The following NOS1AP variants were observed in gnomAD, a reference collection of about 807,000 sequenced individuals.
The protein encoded by NOS1AP is nitric oxide synthase 1 adaptor protein.
NOS1AP carries 21 observed loss-of-function variants against 56.2 expected under a neutral mutation model. The ratio of observed to expected loss-of-function variants is 0.37; its 90% CI spans 0.26 to 0.54. The LOEUF (loss-of-function observed/expected upper bound fraction) is 0.54, where lower values mean the gene tolerates loss of function less well. Ranked by LOEUF, NOS1AP falls within the 20% of genes least tolerant of loss-of-function variation. The pLI is 0.84. For synonymous variants in NOS1AP, 270 were observed against 274.6 expected (o/e 0.98, Z 0.17); for missense variants, 522 against 657.8 (o/e 0.79, Z 2.26).
In NOS1AP at chr1:162,116,257, C is replaced by T. The variant is rs553976126; in HGVS notation, c.106-38148C>T. Among the ~76,000 whole-genome samples, 164 of 152,218 alleles carry T rather than the reference C, an allele frequency of 1.1e-3. 1 individual carries two copies. Among genetic ancestry groups the T allele is most frequent in the South Asian group, 2.3e-3 (11 of 4,826 alleles). ...TGGACTCCTGAGACTGCTTTGCATC[C>T]GTCACATTTCAGGTTGATGCCCTGT... On this transcript the variant is annotated intron_variant, in intron 1 of 9. Transcript: ENST00000361897.
At chr1:162,084,057 CTT>C (rs1330491456) in intron 1 of NOS1AP, among the ~76,000 whole-genome samples, 8 of 152,166 alleles carry the variant, frequency 5.3e-5, no homozygotes, top group Non-Finnish European at 1.0e-4. Flanking sequence ...TTTGCTGAGA[CTT>C]TTGACTTTTT....
At chr1:162,332,016 G>A (rs923219960) in intron 4 of NOS1AP, among the ~76,000 whole-genome samples, 6 of 152,196 alleles carry the variant, frequency 3.9e-5, no homozygotes, top group African/African-American at 7.2e-5. Flanking sequence ...CTCATCTCAC[G>A]TAGAATATAA....
chr1:162,102,629 T>A (rs892536483), intron 1 of NOS1AP, among the ~76,000 whole-genome samples: 1 of 152,194 alleles, frequency 6.6e-6, no homozygotes, highest in African/African-American at 2.4e-5. Flanking sequence ...TTTTAGTCTA[T>A]TCAGGGATTC....
intron 2 of NOS1AP, among the ~76,000 whole-genome samples, chr1:162,280,154 A>G (rs2101729231): frequency 6.6e-6 from 1 of 152,326 alleles, no homozygotes; most frequent in South Asian, 2.1e-4. Context: ...TTTCTATTTA[A>G]ATAAATAATA....
intron 4 of NOS1AP, among the ~76,000 whole-genome samples, chr1:162,328,600 T>C (rs1656666040): frequency 6.6e-6 from 1 of 152,174 alleles, no homozygotes; most frequent in African/African-American, 2.4e-5. Flanking sequence ...AGCACAATGA[T>C]CATACCTGTT....
intron 2 of NOS1AP, among the ~76,000 whole-genome samples, chr1:162,155,452 TATATAG>T (rs1309349905): frequency 2.0e-5 from 3 of 147,480 alleles, no homozygotes; most frequent in East Asian, 4.0e-4. Context: ...TATATATATA[TATATAG>T]AGAGAGAGAG....
At chr1:162,100,691 G>C (rs1180636597) in intron 1 of NOS1AP, among the ~76,000 whole-genome samples, 1 of 147,504 alleles carries the variant, frequency 6.8e-6, no homozygotes, top group Non-Finnish European at 1.5e-5. Context: ...TGGTGTTTTA[G>C]ACATGAAGTC....
chr1:162,155,704 C>G (rs534072510), intron 2 of NOS1AP, among the ~76,000 whole-genome samples: 21 of 152,256 alleles, frequency 1.4e-4, no homozygotes, highest in African/African-American at 4.8e-4. Context: ...GAATCAAATT[C>G]TCTTCTGATA....
chr1:162,180,968 A>G (rs1651237697), intron 2 of NOS1AP, among the ~76,000 whole-genome samples: 1 of 152,238 alleles, frequency 6.6e-6, no homozygotes. Flanking sequence ...CCTTAACAGC[A>G]GCATCTATTC....
intron 2 of NOS1AP, among the ~76,000 whole-genome samples, chr1:162,280,980 T>G (rs1032894059): frequency 2.0e-5 from 3 of 152,198 alleles, no homozygotes; most frequent in African/African-American, 7.2e-5. Flanking sequence ...CCCCCAAGAT[T>G]CTGGTTCCAT....
intron 1 of NOS1AP, among the ~76,000 whole-genome samples, chr1:162,077,688 A>T (rs1253130423): frequency 6.7e-6 from 1 of 148,678 alleles, no homozygotes. Flanking sequence ...TATGCCCTTC[A>T]CTCCCCACCC....
At chr1:162,361,515 C>A (rs1442310561) in intron 8 of NOS1AP, among the ~76,000 whole-genome samples, 1 of 152,226 alleles carries the variant, frequency 6.6e-6, no homozygotes, top group East Asian at 1.9e-4. Flanking sequence ...TCCTGCAGCA[C>A]AGCCTGCCAC....
At chr1:162,183,665 A>G (rs764710649) in intron 2 of NOS1AP, among the ~76,000 whole-genome samples, 6 of 152,198 alleles carry the variant, frequency 3.9e-5, no homozygotes, top group Non-Finnish European at 8.8e-5. Context: ...TGTTACAGAG[A>G]CAGCTTCTTT....
rs953189772 is a variant in NOS1AP, at chr1:162,129,783, C to T, written c.106-24622C>T. 2.6e-5 allele frequency among the ~76,000 whole-genome samples: 4 copies of T among 152,204 alleles called. No individual in the cohort carries two copies. In the East Asian group the frequency reaches 7.7e-4, roughly 29 times the overall value. ...TGACCCATCGCCAGCCCCTCGAGGA[C>T]ATGCCGTCTCCCTCTTTTTGGCCTA... On this transcript the variant is annotated intron_variant, in intron 1 of 9. Transcript: ENST00000361897.
intron 2 of NOS1AP, among the ~76,000 whole-genome samples, chr1:162,285,307 G>A (rs1655055320): frequency 6.6e-6 from 1 of 152,192 alleles, no homozygotes; most frequent in African/African-American, 2.4e-5. Flanking sequence ...GTGACTGGAG[G>A]TAAATGCAGG....
intron 1 of NOS1AP, among the ~76,000 whole-genome samples, chr1:162,106,218 T>C (rs528995531): frequency 4.6e-5 from 7 of 152,138 alleles, no homozygotes; most frequent in Non-Finnish European, 8.8e-5. Context: ...TTTCCTTGGC[T>C]GGGGGTTGGG....
chr1:162,361,417 G>C lies in NOS1AP; in HGVS notation c.940-3987G>C, dbSNP rs557888425. On this transcript the variant is annotated intron_variant, in intron 8 of 9. Transcript: ENST00000361897. ...ACGCTGCCTCGTTTCAGTGCTTCAAGTTCGAGCCTACATAGTTATAAAATG... is the reference window on the plus strand; with the variant it reads ...ACGCTGCCTCGTTTCAGTGCTTCAACTTCGAGCCTACATAGTTATAAAATG... Among the ~76,000 whole-genome samples the C allele has an allele frequency of 1.1e-4, 17 of 152,334 alleles. No homozygotes were observed. The South Asian group carries it at 3.5e-3, about 32-fold the overall frequency.
chr1:162,140,077 C>T (rs955251668), intron 1 of NOS1AP, among the ~76,000 whole-genome samples: 1 of 152,206 alleles, frequency 6.6e-6, no homozygotes, highest in Non-Finnish European at 1.5e-5. Context: ...GATCCACCTG[C>T]CTCAGCCTCC....
intron 2 of NOS1AP, among the ~76,000 whole-genome samples, chr1:162,197,892 G>A (rs369212667): frequency 2.0e-5 from 3 of 152,232 alleles, no homozygotes; most frequent in African/African-American, 7.2e-5. Context: ...GGTGTTCCCC[G>A]CTGGCCTGCT....
Sources: gnomAD v4.1 joint callset for allele counts (sites outside exome capture counted in the v4.1 genomes callset) on GRCh38, gnomAD v4.1.1 for gene constraint, MANE v1.5 for transcripts, NCBI Gene and HGNC (gene_info 2026-07-23, HGNC 2026-07-21) for gene names.